PLD5: variants seen among roughly 807,000 people sequenced by gnomAD.
The protein encoded by PLD5 is phospholipase D family member 5.
Under a neutral mutation model 61.1 loss-of-function variants are expected in PLD5, and 36 were observed. That is an observed-to-expected ratio of 0.59 (90% confidence interval 0.45 to 0.78). The LOEUF is 0.78. Among genes scored for constraint, PLD5 ranks in the 30% least tolerant of loss-of-function variants. The pLI, the probability that PLD5 is intolerant of heterozygous loss-of-function variation, is 0.00. For synonymous variants in PLD5, 243 were observed against 242.8 expected (o/e 1.00, Z -0.01); for missense variants, 515 against 644.4 (o/e 0.80, Z 2.17).
chr1:242,219,862 T>TA, intron 5 of PLD5, 126 bp downstream of exon 5: 3 of 1,244,022 alleles, frequency 2.4e-6, no homozygotes, highest in Non-Finnish European at 3.2e-6. Context: ...ATGAGCCTCT[T>TA]AAAACTACAG....
At chr1:242,523,289 G>T (rs894349691) in intron 1 of PLD5, among the ~76,000 whole-genome samples, 1 of 151,842 alleles carries the variant, frequency 6.6e-6, no homozygotes, top group African/African-American at 2.4e-5. Context: ...GGTTTAAGAA[G>T]ATGCTGATGG....
At chr1:242,397,597 GA>G (rs1469873192) in intron 1 of PLD5, among the ~76,000 whole-genome samples, 1 of 151,990 alleles carries the variant, frequency 6.6e-6, no homozygotes, top group African/African-American at 2.4e-5. Context: ...AGGGATAAGA[GA>G]AAAACAGATC....
At chr1:242,307,012 T>C (rs1246895140) in intron 2 of PLD5, among the ~76,000 whole-genome samples, 1 of 152,250 alleles carries the variant, frequency 6.6e-6, no homozygotes, top group African/African-American at 2.4e-5. Context: ...TATCAATTTG[T>C]AGGGCAAAGT....
intron 1 of PLD5, among the ~76,000 whole-genome samples, chr1:242,351,182 T>C (rs1199302437): frequency 6.6e-6 from 1 of 152,228 alleles, no homozygotes; most frequent in African/African-American, 2.4e-5. Flanking sequence ...ATTACAGGCA[T>C]GAGCAACCGC....
chr1:242,271,086 G>A (rs1349434432), intron 3 of PLD5, among the ~76,000 whole-genome samples: 2 of 151,866 alleles, frequency 1.3e-5, no homozygotes, highest in Non-Finnish European at 2.9e-5. Flanking sequence ...TAACTTAGAA[G>A]AGTAATTAAA....
intron 1 of PLD5, among the ~76,000 whole-genome samples, chr1:242,375,289 C>T (rs1661882754): frequency 1.3e-5 from 2 of 152,188 alleles, no homozygotes. Context: ...CCGTCTGCCT[C>T]ATTTTAAAGT....
intron 1 of PLD5, among the ~76,000 whole-genome samples, chr1:242,441,731 G>A (rs1227970329): frequency 6.6e-6 from 1 of 152,002 alleles, no homozygotes; most frequent in African/African-American, 2.4e-5. Flanking sequence ...GCCATCCTAG[G>A]CAGGGGAGCC....
chr1:242,452,056 A>G (rs1666799945), intron 1 of PLD5, among the ~76,000 whole-genome samples: 1 of 152,022 alleles, frequency 6.6e-6, no homozygotes, highest in African/African-American at 2.4e-5. Context: ...GACCCTCCCA[A>G]CAGGGCTGAA....
At chr1:242,287,094 C>A (rs1408183079) in intron 3 of PLD5, among the ~76,000 whole-genome samples, 3 of 152,102 alleles carry the variant, frequency 2.0e-5, no homozygotes, top group Non-Finnish European at 4.4e-5. Context: ...AGCTCTTTGC[C>A]TTCTGAGGAT....
chr1:242,357,736 C>T (rs563286105), intron 1 of PLD5, among the ~76,000 whole-genome samples: 5 of 152,050 alleles, frequency 3.3e-5, no homozygotes, highest in Non-Finnish European at 7.4e-5. Flanking sequence ...ATTCATCTGC[C>T]TTGGTCTCCC....
At chr1:242,441,846 G>A (rs1343682998) in intron 1 of PLD5, among the ~76,000 whole-genome samples, 1 of 152,174 alleles carries the variant, frequency 6.6e-6, no homozygotes, top group Non-Finnish European at 1.5e-5. Context: ...ATATCTCAAT[G>A]TGGAAGACCC....
intron 5 of PLD5, among the ~76,000 whole-genome samples, chr1:242,199,669 C>T (rs1427027819): frequency 6.6e-6 from 1 of 152,128 alleles, no homozygotes; most frequent in Non-Finnish European, 1.5e-5. Flanking sequence ...CCACTATCCA[C>T]CTCCCACCCC....
At chr1:242,504,418 G>A (rs1044229166) in intron 1 of PLD5, among the ~76,000 whole-genome samples, 2 of 152,122 alleles carry the variant, frequency 1.3e-5, no homozygotes, top group Non-Finnish European at 2.9e-5. Context: ...TCAACCTCTA[G>A]GGCTCTGCAA....
At chr1:242,411,506 A>C (rs1208560564) in intron 1 of PLD5, among the ~76,000 whole-genome samples, 3 of 152,158 alleles carry the variant, frequency 2.0e-5, no homozygotes, top group Non-Finnish European at 4.4e-5. Flanking sequence ...AAATGCTGGG[A>C]TTACAGGCAT....
At chr1:242,395,450 AT>A (rs1663517434) in intron 1 of PLD5, among the ~76,000 whole-genome samples, 1 of 152,098 alleles carries the variant, frequency 6.6e-6, no homozygotes, top group South Asian at 2.1e-4. Flanking sequence ...GCTACTTTCT[AT>A]TTTTCTAGGG....
rs531741363 is a variant in PLD5, at chr1:242,199,530, C to T, written c.735+20458G>A. Among the ~76,000 whole-genome samples the T allele has an allele frequency of 7.9e-4, 120 of 152,302 alleles. 1 individual carries two copies. Among genetic ancestry groups the T allele is most frequent in the Non-Finnish European group, 1.4e-3 (96 of 68,024 alleles). ...TCGGCCTCCCAAAGGTCTGGGATTA[C>T]AGGGGTGAGCCATGGTGCCCAGCCA... On this transcript the variant is annotated intron_variant, in intron 5 of 9. Coordinates refer to ENST00000536534, the MANE Select transcript of PLD5 (RefSeq NM_001372062.1).
chr1:242,464,898 G>A (rs911922417), intron 1 of PLD5, among the ~76,000 whole-genome samples: 6 of 152,272 alleles, frequency 3.9e-5, no homozygotes, highest in African/African-American at 1.4e-4. Context: ...AGCCAGACAC[G>A]AAAGGTCACA....
At chr1:242,524,058 C>A in intron 1 of PLD5, 30 bp downstream of exon 1, 4 of 1,524,236 alleles carry the variant, frequency 2.6e-6, no homozygotes, top group Non-Finnish European at 3.5e-6. Flanking sequence ...AGGTGCCTGG[C>A]CGAGGCCCCC....
chr1:242,508,018 C>G (rs2102997412), intron 1 of PLD5, among the ~76,000 whole-genome samples: 1 of 150,914 alleles, frequency 6.6e-6, no homozygotes, highest in South Asian at 2.1e-4. Flanking sequence ...CAATGCCGAC[C>G]AGCAATTCTA....
Sources: gnomAD v4.1 joint callset for allele counts (sites outside exome capture counted in the v4.1 genomes callset) on GRCh38, gnomAD v4.1.1 for gene constraint, MANE v1.5 for transcripts, NCBI Gene and HGNC (gene_info 2026-07-23, HGNC 2026-07-21) for gene names.